Variants in NHS observed in about 807,000 individuals in gnomAD.
NHS encodes actin remodeling regulator NHS.
Under a neutral mutation model 72.5 loss-of-function variants are expected in NHS, and 5 were observed. The ratio of observed to expected loss-of-function variants is 0.07; its 90% CI spans 0.04 to 0.14. NHS has a LOEUF of 0.14. Ranked by LOEUF, NHS falls within the 10% of genes least tolerant of loss-of-function variation. The pLI, the probability that NHS is intolerant of heterozygous loss-of-function variation, is 1.00. For missense variants in NHS, 1,072 were observed against 1,355.7 expected, an observed-to-expected ratio of 0.79 and a Z score of 3.29; for synonymous variants, 464 against 547.7, an observed-to-expected ratio of 0.85 and a Z score of 2.13.
At chrX:17,546,813 T>C (rs765391215) in intron 1 of NHS, among the ~76,000 whole-genome samples, 3 of 112,516 alleles carry the variant, frequency 2.7e-5, no homozygotes, top group Admixed American at 1.9e-4. Context: ...CTTTTCTCAT[T>C]GAAGAAAAAT....
chrX:17,635,070 C>A (rs1029185036), intron 1 of NHS, among the ~76,000 whole-genome samples: 1 of 111,689 alleles, frequency 9.0e-6, no homozygotes, highest in Non-Finnish European at 1.9e-5. Flanking sequence ...TTTCGATAGC[C>A]ACATGGCACT....
intron 1 of NHS, among the ~76,000 whole-genome samples, chrX:17,463,587 G>A (rs1367348702): frequency 9.0e-6 from 1 of 111,609 alleles, no homozygotes; most frequent in East Asian, 2.8e-4. Context: ...GGCCTCTTGT[G>A]ATCCCTGACT....
chrX:17,635,682 C>T (rs940899887), intron 1 of NHS: 2 of 936,504 alleles, frequency 2.1e-6, no homozygotes, highest in African/African-American at 2.0e-5. Context: ...TGTGCTGTAG[C>T]CACTTCCTAT....
intron 1 of NHS, among the ~76,000 whole-genome samples, chrX:17,460,022 A>C (rs2064840726): frequency 8.9e-6 from 1 of 112,087 alleles, no homozygotes; most frequent in Non-Finnish European, 1.9e-5. Flanking sequence ...TCCTGGGCTC[A>C]TAGGAAGAGG....
rs1304815123 is a variant in NHS at position 17,437,168 on chromosome X, G to T, written c.565+60846G>T. On this transcript the variant is annotated intron_variant, in intron 1 of 8. Transcript: ENST00000676302. ...GGTGAGAGGATTCGTTGCACTTTGT[G>T]TGTGTCTCCAGCTGTTATACCATGC... Among the ~76,000 whole-genome samples the T allele has an allele frequency of 5.4e-5, 6 of 111,454 alleles. No homozygotes were observed. In the Admixed American group the frequency reaches 5.7e-4, roughly 11 times the overall value.
intron 1 of NHS, among the ~76,000 whole-genome samples, chrX:17,608,434 C>G (rs765484055): frequency 1.8e-5 from 2 of 112,017 alleles, no homozygotes; most frequent in East Asian, 5.6e-4. Context: ...ACAAGAGATG[C>G]TCAAAAATCG....
intron 1 of NHS, among the ~76,000 whole-genome samples, chrX:17,525,376 G>T (rs1356197624): frequency 9.0e-6 from 1 of 111,722 alleles, no homozygotes; most frequent in Non-Finnish European, 1.9e-5. Flanking sequence ...TTCTGAGAAG[G>T]ATGGTTGGAC....
At chrX:17,500,706 T>C (rs761697144) in intron 1 of NHS, among the ~76,000 whole-genome samples, 6 of 111,915 alleles carry the variant, frequency 5.4e-5, no homozygotes, top group Non-Finnish European at 7.5e-5. Flanking sequence ...TACTGTCAGA[T>C]GCTCCCTCAG....
intron 1 of NHS, among the ~76,000 whole-genome samples, chrX:17,604,263 C>T (rs899472425): frequency 9.2e-6 from 1 of 109,076 alleles, no homozygotes; most frequent in African/African-American, 3.4e-5. Context: ...CACACACACA[C>T]ACACATTAAT....
intron 1 of NHS, among the ~76,000 whole-genome samples, chrX:17,568,370 G>C (rs1444370577): frequency 8.9e-6 from 1 of 111,872 alleles, no homozygotes; most frequent in Non-Finnish European, 1.9e-5. Context: ...TCACTATTCA[G>C]GGTAAAAACT....
chrX:17,378,827 GA>G (rs1372389337), intron 1 of NHS, among the ~76,000 whole-genome samples: 1 of 111,910 alleles, frequency 8.9e-6, no homozygotes, highest in Non-Finnish European at 1.9e-5. Context: ...CCTGGAGCAT[GA>G]ACTCCATGGC....
intron 3 of NHS, among the ~76,000 whole-genome samples, chrX:17,718,460 AAAG>A (rs1384645416): frequency 4.1e-5 from 4 of 97,812 alleles, no homozygotes; most frequent in Non-Finnish European, 6.2e-5. Flanking sequence ...GGAAGAAAGG[AAAG>A]AAGGAGAGAA....
intron 4 of NHS, among the ~76,000 whole-genome samples, chrX:17,720,972 T>C (rs1446576457): frequency 8.9e-6 from 1 of 112,270 alleles, no homozygotes; most frequent in Non-Finnish European, 1.9e-5. Flanking sequence ...TAGGTTGGCT[T>C]GTCCTTCAGG....
intron 1 of NHS, among the ~76,000 whole-genome samples, chrX:17,443,806 A>T (rs967643580): frequency 2.7e-5 from 3 of 112,057 alleles, no homozygotes; most frequent in Non-Finnish European, 5.6e-5. Flanking sequence ...TATAAATTGG[A>T]TCATATATCC....
chrX:17,714,026 G>T (rs2066350269), intron 3 of NHS, among the ~76,000 whole-genome samples: 1 of 111,297 alleles, frequency 9.0e-6, no homozygotes, highest in Non-Finnish European at 1.9e-5. Context: ...CTTTTGTCAG[G>T]GACAAGATGG....
chrX:17,426,769 G>T (rs72616039), intron 1 of NHS, among the ~76,000 whole-genome samples: 1 of 111,459 alleles, frequency 9.0e-6, no homozygotes, highest in African/African-American at 3.3e-5. Flanking sequence ...GAATGAGCAG[G>T]GTGCCTCTAA....
At chrX:17,665,488 C>T (rs957337183) in intron 1 of NHS, among the ~76,000 whole-genome samples, 13 of 107,703 alleles carry the variant, frequency 1.2e-4, no homozygotes, top group South Asian at 8.5e-4. Flanking sequence ...CCACCTCGCC[C>T]GGCTAATTTT....
At chrX:17,675,834 T>C (rs993298794) in intron 1 of NHS, among the ~76,000 whole-genome samples, 1 of 112,252 alleles carries the variant, frequency 8.9e-6, no homozygotes, top group African/African-American at 3.2e-5. Flanking sequence ...TGCAGGCTCA[T>C]GTATTTATAT....
At chrX:17,691,985 C>T (rs2066198558) in intron 2 of NHS, among the ~76,000 whole-genome samples, 1 of 111,850 alleles carries the variant, frequency 8.9e-6, no homozygotes, top group African/African-American at 3.3e-5. Context: ...GCCTACTTTC[C>T]ACTCCAGTAC....
Sources: allele counts gnomAD v4.1 joint callset (sites outside exome capture counted in the v4.1 genomes callset), GRCh38; gene constraint gnomAD v4.1.1; transcripts MANE v1.5; gene names NCBI Gene and HGNC (gene_info 2026-07-23, HGNC 2026-07-21).